The following MARCO variants were observed in gnomAD, a reference collection of about 807,000 sequenced individuals.
The protein encoded by MARCO is macrophage receptor MARCO.
In MARCO, 72 loss-of-function variants were observed where a neutral mutation model predicts 70.0. That is an observed-to-expected ratio of 1.03 (90% confidence interval 0.85 to 1.25). The LOEUF is 1.25. MARCO is among the 50% of genes most tolerant of loss of function. The pLI is 0.00. For synonymous variants in MARCO, 273 were observed against 243.1 expected, an observed-to-expected ratio of 1.12 and a Z score of -1.14; for missense variants, 696 against 659.3, an observed-to-expected ratio of 1.06 and a Z score of -0.61.
intron 8 of MARCO, among the ~76,000 whole-genome samples, chr2:118,978,160 G>A (rs2104591276): frequency 6.6e-6 from 1 of 152,290 alleles, no homozygotes; most frequent in South Asian, 2.1e-4. Flanking sequence ...GGCAAGCTGG[G>A]GCACAGGCAG....
At chr2:118,977,316 AAAAG>A (rs909606214) in intron 6 of MARCO, among the ~76,000 whole-genome samples, 151 bp from the exon 7 acceptor site, 12 of 142,824 alleles carry the variant, frequency 8.4e-5, no homozygotes, top group African/African-American at 3.3e-4. Context: ...ATGTGTGTGA[AAAAG>A]AGAGAGAGAG....
intron 1 of MARCO, among the ~76,000 whole-genome samples, chr2:118,957,464 C>A (rs1397178671): frequency 1.3e-5 from 2 of 151,902 alleles, no homozygotes; most frequent in African/African-American, 4.8e-5. Flanking sequence ...CTGAACAGAC[C>A]AATAGCAAGC....
intron 12 of MARCO, among the ~76,000 whole-genome samples, chr2:118,988,589 C>T (rs72836157): frequency 0.04 from 6,042 of 152,058 alleles, 158 homozygotes; most frequent in South Asian, 0.099. Context: ...GGTTCAGGGA[C>T]CCCAAGACAT....
chr2:118,973,688 C>T (rs774373662), intron 4 of MARCO, among the ~76,000 whole-genome samples: 2 of 152,144 alleles, frequency 1.3e-5, no homozygotes, highest in Non-Finnish European at 2.9e-5. Flanking sequence ...GTCATGGTCT[C>T]ACTGGAGGCA....
At chr2:118,963,575 TG>T (rs1424442826) in intron 1 of MARCO, among the ~76,000 whole-genome samples, 5 of 152,160 alleles carry the variant, frequency 3.3e-5, no homozygotes, top group African/African-American at 4.8e-5. Flanking sequence ...TGTTGCTACC[TG>T]GAGTATTCTG....
intron 8 of MARCO, among the ~76,000 whole-genome samples, chr2:118,980,181 C>G (rs1680362511): frequency 6.6e-6 from 1 of 152,368 alleles, no homozygotes; most frequent in South Asian, 2.1e-4. Flanking sequence ...TCCAGGGAAA[C>G]AGTTCTCAGT....
intron 15 of MARCO, 30 bp downstream of exon 15, chr2:118,992,506 G>A (rs1288832974): frequency 6.5e-7 from 1 of 1,542,082 alleles, no homozygotes; most frequent in Non-Finnish European, 9.0e-7. Flanking sequence ...TCTTTAATGT[G>A]TGCTTTAAAG....
At chr2:118,965,543 T>A (rs1226169568) in intron 1 of MARCO, among the ~76,000 whole-genome samples, 1 of 152,242 alleles carries the variant, frequency 6.6e-6, no homozygotes, top group African/African-American at 2.4e-5. Flanking sequence ...GTCATCTCAA[T>A]GCTGGTATCT....
chr2:118,992,865 C>T (rs1042181681), intron 15 of MARCO, among the ~76,000 whole-genome samples: 5 of 151,664 alleles, frequency 3.3e-5, no homozygotes, highest in Admixed American at 6.6e-5. Flanking sequence ...CATGACAAGA[C>T]GTGGTGTATG....
At chr2:118,966,553 G>A (rs142612321) in intron 1 of MARCO, among the ~76,000 whole-genome samples, 55 of 152,286 alleles carry the variant, frequency 3.6e-4, no homozygotes, top group African/African-American at 1.3e-3. Context: ...CCAGGTGGTA[G>A]CTCTGAATTT....
rs118027087 is a variant in MARCO, at chr2:118,943,676, G to T, written c.97+1279G>T. ...TAAAGGATAAAGGGAGTCCGTTAGA[G>T]AAAGAAGTTAGTGCCTGGGGCGGGG... On this transcript the variant is annotated intron_variant, in intron 1 of 16. Transcript: ENST00000327097. Among the ~76,000 whole-genome samples the T allele has an allele frequency of 2.1e-3, 318 of 152,356 alleles. 8 individuals are homozygous for T. In the East Asian group the frequency reaches 0.053, roughly 26 times the overall value.
intron 1 of MARCO, among the ~76,000 whole-genome samples, chr2:118,946,224 G>A (rs1433784264): frequency 6.6e-6 from 1 of 152,056 alleles, no homozygotes; most frequent in Non-Finnish European, 1.5e-5. Context: ...ACTGATATTG[G>A]TGCAATCCAT....
chr2:118,964,593 A>G (rs1298787681), intron 1 of MARCO, among the ~76,000 whole-genome samples: 2 of 152,118 alleles, frequency 1.3e-5, no homozygotes, highest in Non-Finnish European at 2.9e-5. Context: ...CTGTCATTCA[A>G]ATTGGTATTC....
In MARCO at chr2:118,992,433, A is replaced by T. The variant is rs777367228; in HGVS notation, c.1209A>T (p.Gly403=). The change falls in exon 15 of 17, where the codon GGA becomes GGT. Residue 403 remains glycine (G), a splice_region_variant and synonymous_variant. Transcript: ENST00000327097. ...AGQKGDQGVK[G]SSGEQGVKGE... ...GTGTGGGTTTTCTCCTCATGACAGG[A>T]TCTTCTGGGGAGCAAGGAGTAAAGG... 1.9e-5 allele frequency: 31 copies of T among 1,613,710 alleles called. No homozygotes were observed. The highest frequency in any genetic ancestry group is 2.6e-5 in the Non-Finnish European group (31 of 1,179,662).
At chr2:118,944,432 G>A (rs866525799) in intron 1 of MARCO, among the ~76,000 whole-genome samples, 29 of 152,202 alleles carry the variant, frequency 1.9e-4, no homozygotes, top group African/African-American at 3.9e-4. Flanking sequence ...CCTCAGGGCC[G>A]GCTCTGCACA....
intron 6 of MARCO, among the ~76,000 whole-genome samples, chr2:118,975,199 C>A (rs535414058): frequency 1.3e-5 from 2 of 152,344 alleles, no homozygotes; most frequent in Admixed American, 6.5e-5. Context: ...TGTCCCTCCC[C>A]AGGGACAAAC....
At chr2:118,958,839 C>A (rs1302811836) in intron 1 of MARCO, among the ~76,000 whole-genome samples, 1 of 151,714 alleles carries the variant, frequency 6.6e-6, no homozygotes, top group Non-Finnish European at 1.5e-5. Flanking sequence ...ACAGAGAACC[C>A]AGAAATAAAC....
chr2:118,984,642 A>T (rs79076487), intron 12 of MARCO, among the ~76,000 whole-genome samples: 42 of 152,330 alleles, frequency 2.8e-4, no homozygotes, highest in Non-Finnish European at 4.9e-4. Context: ...TAGGACCATA[A>T]TCTGGCTAAT....
chr2:118,988,819 T>C (rs940187973), intron 12 of MARCO, among the ~76,000 whole-genome samples: 1 of 152,036 alleles, frequency 6.6e-6, no homozygotes, highest in African/African-American at 2.4e-5. Flanking sequence ...TGCTCATGTG[T>C]GGACTCAACC....
Sources: allele counts gnomAD v4.1 joint callset (sites outside exome capture counted in the v4.1 genomes callset), GRCh38; gene constraint gnomAD v4.1.1; transcripts MANE v1.5; gene names NCBI Gene and HGNC (gene_info 2026-07-23, HGNC 2026-07-21).